Variants in ROBO2 observed in about 807,000 individuals in gnomAD.
The protein encoded by ROBO2 is roundabout guidance receptor 2, also known as roundabout homolog 2.
ROBO2 carries 53 observed loss-of-function variants against 160.8 expected under a neutral mutation model. The observed-to-expected ratio is 0.33, with a 90% confidence interval of 0.26 to 0.41. ROBO2 has a LOEUF of 0.41. Ranked by LOEUF, ROBO2 falls within the 10% of genes least tolerant of loss-of-function variation. ROBO2 has a pLI of 1.00. For missense variants in ROBO2, 1,577 were observed against 1,722.4 expected (o/e 0.92, Z 1.49); for synonymous variants, 664 against 611.7 (o/e 1.09, Z -1.26).
At chr3:77,085,307 T>C (rs2069162757) in intron 1 of ROBO2, among the ~76,000 whole-genome samples, 1 of 152,124 alleles carries the variant, frequency 6.6e-6, no homozygotes, top group Non-Finnish European at 1.5e-5. Context: ...AAAATACAAC[T>C]CCAAAATTTT....
chr3:76,615,198 T>A (rs1439841473), intron 2 of ROBO2, among the ~76,000 whole-genome samples: 1 of 152,166 alleles, frequency 6.6e-6, no homozygotes, highest in Non-Finnish European at 1.5e-5. Flanking sequence ...TCTAAATCAA[T>A]TGGTGTAGAT....
chr3:76,387,962 T>A (rs73840944), intron 2 of ROBO2, among the ~76,000 whole-genome samples: 3,190 of 152,286 alleles, frequency 0.021, 100 homozygotes, highest in African/African-American at 0.072. Context: ...AATTTTACCT[T>A]AGAAAATTAA....
chr3:76,945,774 G>C (rs2078497331), intron 2 of ROBO2, among the ~76,000 whole-genome samples: 3 of 152,062 alleles, frequency 2.0e-5, no homozygotes, highest in Admixed American at 2.0e-4. Flanking sequence ...GTTCCATTTG[G>C]TCTTCTTGTT....
intron 2 of ROBO2, among the ~76,000 whole-genome samples, chr3:76,125,867 C>T (rs2070959483): frequency 6.6e-6 from 1 of 152,092 alleles, no homozygotes; most frequent in Non-Finnish European, 1.5e-5. Flanking sequence ...TGCTTTGTTG[C>T]CCAGGCTCGA....
intron 2 of ROBO2, among the ~76,000 whole-genome samples, chr3:76,927,461 A>G (rs989446377): frequency 2.6e-5 from 4 of 152,198 alleles, no homozygotes; most frequent in African/African-American, 7.2e-5. Context: ...AACCTTATAC[A>G]TAAACCCTTG....
In ROBO2 at chr3:76,539,246, T is replaced by C. The variant is rs146074098; in HGVS notation, c.110-558768T>C. Among the ~76,000 whole-genome samples the C allele has an allele frequency of 3.2e-3, 488 of 152,106 alleles. 12 individuals carry two copies. The highest frequency in any genetic ancestry group is 0.029 in the Admixed American group (441 of 15,264). On this transcript the variant is annotated intron_variant, in intron 2 of 26. Transcript: ENST00000487694. ...CATTAGGATAAATATGTAATGCATG[T>C]GGCTTTTAAAACCTGGAGGACAGCT...
At chr3:75,950,580 T>C (rs1948497055) in intron 2 of ROBO2, among the ~76,000 whole-genome samples, 1 of 83,750 alleles carries the variant, frequency 1.2e-5, no homozygotes, top group South Asian at 3.0e-4. Context: ...TGTTTAGAAC[T>C]GAGTACAGCA....
intron 2 of ROBO2, among the ~76,000 whole-genome samples, chr3:76,919,027 T>C (rs2076502642): frequency 6.6e-6 from 1 of 152,126 alleles, no homozygotes; most frequent in South Asian, 2.1e-4. Flanking sequence ...TATTTGTTTC[T>C]TTCTTGTAAA....
intron 2 of ROBO2, among the ~76,000 whole-genome samples, chr3:76,263,345 G>T (rs1706888297): frequency 6.6e-6 from 1 of 151,966 alleles, no homozygotes; most frequent in Non-Finnish European, 1.5e-5. Flanking sequence ...ATGCACCTTT[G>T]CCTCGCAAAT....
intron 2 of ROBO2, among the ~76,000 whole-genome samples, chr3:76,794,071 T>A (rs1039663776): frequency 6.6e-6 from 1 of 151,914 alleles, no homozygotes; most frequent in Non-Finnish European, 1.5e-5. Context: ...CCTTGAATCT[T>A]GAAATCTTGT....
intron 2 of ROBO2, among the ~76,000 whole-genome samples, chr3:76,934,740 T>TCAAAAACAAAAA (rs59414590): frequency 4.6e-5 from 7 of 150,682 alleles, no homozygotes; most frequent in African/African-American, 1.5e-4. Flanking sequence ...AGACTCCATC[T>TCAAAAACAAAAA]CAAAAACAAA....
intron 23 of ROBO2, among the ~76,000 whole-genome samples, chr3:77,626,010 G>A (rs778689409): frequency 1.3e-5 from 2 of 152,100 alleles, no homozygotes; most frequent in Non-Finnish European, 2.9e-5. Flanking sequence ...AATGGAAGAA[G>A]AATGTTCAAA....
chr3:77,067,272 A>G (rs1013233501), intron 1 of ROBO2, among the ~76,000 whole-genome samples: 2 of 152,172 alleles, frequency 1.3e-5, no homozygotes. Context: ...AAGGTAATTT[A>G]TAGTGAGTGA....
At chr3:77,434,876 C>A (rs2079127923) in intron 2 of ROBO2, among the ~76,000 whole-genome samples, 2 of 152,042 alleles carry the variant, frequency 1.3e-5, no homozygotes, top group Non-Finnish European at 1.5e-5. Context: ...TATTTTAATG[C>A]ACTCGCATAT....
intron 23 of ROBO2, among the ~76,000 whole-genome samples, chr3:77,628,679 C>A (rs868709053): frequency 1.6e-4 from 25 of 152,184 alleles, no homozygotes; most frequent in African/African-American, 5.8e-4. Context: ...TACATCTTAA[C>A]CAAACTGTAG....
At chr3:77,293,739 T>A (rs1465264986) in intron 2 of ROBO2, among the ~76,000 whole-genome samples, 1 of 140,652 alleles carries the variant, frequency 7.1e-6, no homozygotes, top group Non-Finnish European at 1.5e-5. Context: ...GTTAAACGGG[T>A]AAGCTGAGGC....
At chr3:76,802,696 C>G (rs960806132) in intron 2 of ROBO2, among the ~76,000 whole-genome samples, 5 of 150,002 alleles carry the variant, frequency 3.3e-5, no homozygotes, top group African/African-American at 7.3e-5. Flanking sequence ...TCACTGCACT[C>G]CAGCCTGGGC....
At chr3:76,876,769 C>T (rs571647408) in intron 2 of ROBO2, among the ~76,000 whole-genome samples, 11 of 151,854 alleles carry the variant, frequency 7.2e-5, no homozygotes, top group Non-Finnish European at 1.6e-4. Context: ...ATAATTAATG[C>T]ACAAGTGTTT....
At chr3:76,640,586 T>TG (rs1560287505) in intron 2 of ROBO2, among the ~76,000 whole-genome samples, 15 of 34,872 alleles carry the variant, frequency 4.3e-4, no homozygotes, top group African/African-American at 9.9e-4. Flanking sequence ...TCAATGCGTG[T>TG]TTGCGTGTGA....
Sources: gnomAD v4.1 joint callset for allele counts (sites outside exome capture counted in the v4.1 genomes callset) on GRCh38, gnomAD v4.1.1 for gene constraint, MANE v1.5 for transcripts, NCBI Gene and HGNC (gene_info 2026-07-23, HGNC 2026-07-21) for gene names.